Variants in AP3B1 observed in about 807,000 individuals in gnomAD.
AP3B1 encodes the protein adaptor related protein complex 3 subunit beta 1.
In AP3B1, 61 loss-of-function variants were observed where a neutral mutation model predicts 132.5. The ratio of observed to expected loss-of-function variants is 0.46; its 90% CI spans 0.37 to 0.57. The LOEUF is 0.57. AP3B1 is among the 20% of genes least tolerant of loss of function. The pLI is 0.00. For synonymous variants in AP3B1, 388 were observed against 438.3 expected, an observed-to-expected ratio of 0.89 and a Z score of 1.43; for missense variants, 1,120 against 1,289.4, an observed-to-expected ratio of 0.87 and a Z score of 2.01.
At chr5:78,097,125 C>A (rs1184448632) in intron 21 of AP3B1, among the ~76,000 whole-genome samples, 12 of 131,302 alleles carry the variant, frequency 9.1e-5, no homozygotes, top group South Asian at 2.4e-4. Flanking sequence ...GTCAGCCCCC[C>A]ACCCGGCCAG....
chr5:78,103,104 C>T (rs1429323101), intron 20 of AP3B1, among the ~76,000 whole-genome samples: 6 of 152,072 alleles, frequency 3.9e-5, no homozygotes, highest in Non-Finnish European at 1.5e-5. Flanking sequence ...CTATAAAATG[C>T]TTCATGATGT....
chr5:78,231,951 T>A (rs931165626), intron 3 of AP3B1, among the ~76,000 whole-genome samples: 1 of 152,196 alleles, frequency 6.6e-6, no homozygotes, highest in Non-Finnish European at 1.5e-5. Context: ...TCAAGTCAAG[T>A]AAGCACAAAA....
intron 6 of AP3B1, among the ~76,000 whole-genome samples, chr5:78,217,287 C>T (rs985335969): frequency 5.9e-5 from 9 of 152,034 alleles, no homozygotes; most frequent in Admixed American, 1.3e-4. Context: ...ACCAACAATA[C>T]AATTGAAAGA....
chr5:78,099,741 T>A (rs116696849), intron 21 of AP3B1, among the ~76,000 whole-genome samples: 1,887 of 151,604 alleles, frequency 0.012, 49 homozygotes, highest in African/African-American at 0.043. Context: ...TAAAAAAAAA[T>A]ACAAAAAATT....
intron 1 of AP3B1, among the ~76,000 whole-genome samples, chr5:78,281,916 T>C (rs998089521): frequency 3.0e-4 from 46 of 152,012 alleles, no homozygotes; most frequent in Admixed American, 2.2e-3. Context: ...GGGGAAAAAA[T>C]GGTTAGGATG....
chr5:78,078,120 A>G (rs1437602394), intron 22 of AP3B1, among the ~76,000 whole-genome samples: 1 of 152,180 alleles, frequency 6.6e-6, no homozygotes, highest in African/African-American at 2.4e-5. Context: ...ACTAAAATCC[A>G]GAATGGATTT....
At chr5:78,272,461 T>A (rs887646015) in intron 1 of AP3B1, among the ~76,000 whole-genome samples, 1 of 152,198 alleles carries the variant, frequency 6.6e-6, no homozygotes, top group Non-Finnish European at 1.5e-5. Flanking sequence ...CATCTTGAAA[T>A]TCCCTCCTCC....
intron 7 of AP3B1, among the ~76,000 whole-genome samples, chr5:78,210,310 C>T (rs990496560): frequency 1.3e-5 from 2 of 152,088 alleles, no homozygotes; most frequent in African/African-American, 4.8e-5. Context: ...TCATGAAGTA[C>T]TTCCCTGAAG....
chr5:78,042,509 TAC>T (rs1438295737), intron 22 of AP3B1: 2 of 153,436 alleles, frequency 1.3e-5, no homozygotes, highest in African/African-American at 4.8e-5. Flanking sequence ...GTGCTGAGAT[TAC>T]AGAGGTGAGA....
At chr5:78,267,696 A>T (rs547993388) in intron 1 of AP3B1, 101 bp from the exon 2 acceptor site, 3 of 720,546 alleles carry the variant, frequency 4.2e-6, no homozygotes, top group Non-Finnish European at 6.7e-6. Context: ...ATCATGGGCA[A>T]TGTTAAATAA....
At chr5:78,132,518 C>T (rs1752733899) in intron 15 of AP3B1, among the ~76,000 whole-genome samples, 1 of 152,140 alleles carries the variant, frequency 6.6e-6, no homozygotes, top group African/African-American at 2.4e-5. Context: ...ACATTAACAG[C>T]TATTGTTTCA....
chr5:78,237,900 T>C (rs981324149), intron 3 of AP3B1, among the ~76,000 whole-genome samples: 3 of 152,228 alleles, frequency 2.0e-5, no homozygotes, highest in Non-Finnish European at 4.4e-5. Context: ...AAATGCGTCG[T>C]TGGACAATTT....
chr5:78,028,041 G>A (rs940589935), intron 24 of AP3B1, among the ~76,000 whole-genome samples: 6 of 151,974 alleles, frequency 3.9e-5, no homozygotes, highest in South Asian at 2.1e-4. Flanking sequence ...AAGGACAGTC[G>A]CTTGAACCTG....
intron 21 of AP3B1, among the ~76,000 whole-genome samples, chr5:78,093,514 CTTT>C (rs1202262848): frequency 6.6e-6 from 1 of 152,098 alleles, no homozygotes; most frequent in African/African-American, 2.4e-5. Flanking sequence ...TTATTTTCTT[CTTT>C]TTATTTTAAA....
At chr5:78,275,884 C>A (rs1364177118) in intron 1 of AP3B1, among the ~76,000 whole-genome samples, 2 of 152,110 alleles carry the variant, frequency 1.3e-5, no homozygotes, top group Non-Finnish European at 2.9e-5. Flanking sequence ...AACTTACAAG[C>A]ATAGAACAAT....
chr5:78,206,908 G>A (rs548889963), intron 7 of AP3B1, among the ~76,000 whole-genome samples: 4 of 151,828 alleles, frequency 2.6e-5, no homozygotes, highest in Middle Eastern at 3.4e-3. Context: ...GATCACATGA[G>A]CCCCAGAGTT....
chr5:78,228,108 C>T, intron 4 of AP3B1, 36 bp downstream of exon 4: 3 of 1,404,132 alleles, frequency 2.1e-6, no homozygotes, highest in Non-Finnish European at 3.0e-6. Flanking sequence ...TCTGCAGAAA[C>T]CTTGTAGCTA....
At chr5:78,249,983 A>T (rs187142768) in intron 2 of AP3B1, among the ~76,000 whole-genome samples, 69 of 152,298 alleles carry the variant, frequency 4.5e-4, no homozygotes, top group African/African-American at 1.6e-3. Flanking sequence ...ATTTTAGATA[A>T]AGTACTATCC....
intron 7 of AP3B1, among the ~76,000 whole-genome samples, chr5:78,206,879 T>C (rs1745525628): frequency 6.6e-6 from 1 of 152,128 alleles, no homozygotes; most frequent in Non-Finnish European, 1.5e-5. Flanking sequence ...CCCAGCACTT[T>C]GGGAGGTCAA....
Sources: gnomAD v4.1 joint callset for allele counts (sites outside exome capture counted in the v4.1 genomes callset) on GRCh38, gnomAD v4.1.1 for gene constraint, MANE v1.5 for transcripts, NCBI Gene and HGNC (gene_info 2026-07-23, HGNC 2026-07-21) for gene names.